The following ZIC4 variants were observed in gnomAD, a reference collection of about 807,000 sequenced individuals.
ZIC4 encodes the protein zinc finger protein ZIC 4.
Under a neutral mutation model 28.8 loss-of-function variants are expected in ZIC4, and 15 were observed. That is an observed-to-expected ratio of 0.52 (90% confidence interval 0.35 to 0.80). The LOEUF (loss-of-function observed/expected upper bound fraction) is 0.80. Among genes scored for constraint, ZIC4 ranks in the 30% least tolerant of loss-of-function variants. The probability of loss-of-function intolerance (pLI) is 0.01; values close to 1 mark genes in which losing one functional copy is unlikely to be tolerated. For missense variants in ZIC4, 512 were observed against 467.1 expected (o/e 1.10, Z -0.89); for synonymous variants, 220 against 198.1 (o/e 1.11, Z -0.93).
At chr3:147,403,734 G>T (rs539717495) in intron 1 of ZIC4, 2 of 417,582 alleles carry the variant, frequency 4.8e-6, no homozygotes, top group African/African-American at 2.0e-5. Context: ...CTCTGTCAAT[G>T]GGGATGTCTG....
chr3:147,401,213 T>C (rs2107981763), intron 2 of ZIC4, among the ~76,000 whole-genome samples: 1 of 152,308 alleles, frequency 6.6e-6, no homozygotes, highest in Admixed American at 6.5e-5. Context: ...CTAGTTCTTT[T>C]CTAGAAATAG....
rs1433230196 is a variant in ZIC4, at chr3:147,396,398, C to A, written c.142G>T (p.Glu48Ter). The A allele has an allele frequency of 6.6e-7, 1 of 1,526,418 alleles. No homozygotes were observed. Among genetic ancestry groups the A allele is most frequent in the African/African-American group, 1.4e-5 (1 of 71,822 alleles). The allele number at this position is 1,526,418 out of a possible 1,614,324, so 94.6% of individuals were successfully genotyped here. ...SSPSVFPGLH[E>*]EPPQASPSRP... ...CTGGGGGAGGCCTGGGGAGGCTCCT[C>A]GTGGAGGCCCGGGAACACCGAGGGG... Residue 48 changes from glutamate to a stop codon, truncating the protein, a stop_gained, in exon 3 of 5, where the codon GAG (glutamate) becomes TAG (stop). Coordinates refer to ENST00000383075, the MANE Select transcript of ZIC4 (RefSeq NM_032153.6). LOFTEE classifies it high-confidence loss of function. The surrounding 1 kb of genome is among the most constrained non-coding windows in gnomAD (Gnocchi z 4.2).
intron 3 of ZIC4, among the ~76,000 whole-genome samples, chr3:147,394,776 A>G (rs887309976): frequency 2.0e-5 from 3 of 152,220 alleles, no homozygotes; most frequent in Non-Finnish European, 4.4e-5. Flanking sequence ...TGTCCGGGCC[A>G]TGGACCTTCC....
At chr3:147,403,788 A>T (rs1315549088) in intron 1 of ZIC4, 1 of 640,408 alleles carries the variant, frequency 1.6e-6, no homozygotes, top group African/African-American at 1.8e-5. Flanking sequence ...CCACAGGCCA[A>T]ATCCAAGTGG....
At position 147,396,607 on chromosome 3, in the gene ZIC4, C is replaced by T. The variant is rs1157761368; in HGVS notation, c.71-138G>A. On this transcript the variant is annotated intron_variant, in intron 2 of 4. Transcript: ENST00000383075. This position sits in a 1 kb window ranked among gnomAD's most constrained non-coding sequence, Gnocchi z 4.2. ...CGTGGAACTCAGAGCCAGACAGCGC[C>T]AGCAGTGAACCCGGTGGACAGAGCA... 3.5e-6 allele frequency: 4 copies of T among 1,148,280 alleles called. No individual in the cohort carries two copies. The highest frequency in any genetic ancestry group is 3.0e-4 in the Middle Eastern group (1 of 3,346). The allele number at this position is 1,148,280 out of a possible 1,614,324, so 71.1% of individuals were successfully genotyped here. A position where few individuals can be genotyped will look rare whatever the true frequency, so the allele number is the denominator to read the frequency against.
intron 2 of ZIC4, among the ~76,000 whole-genome samples, chr3:147,397,838 C>T (rs1405667979): frequency 1.3e-5 from 2 of 152,102 alleles, no homozygotes; most frequent in Admixed American, 1.3e-4. Context: ...CTTTCTGGTC[C>T]TTTTCGTCTC....
At position 147,396,263 on chromosome 3, in the gene ZIC4, C is replaced by A. The variant is rs199650167; in HGVS notation, c.277G>T (p.Ala93Ser). 1.2e-4 allele frequency: 195 copies of A among 1,611,652 alleles called. No individual in the cohort carries two copies. The highest frequency in any genetic ancestry group is 1.5e-4 in the Non-Finnish European group (173 of 1,178,860). The change falls in exon 3 of 5, where the codon GCA (alanine) becomes TCA (serine). Residue 93 changes from alanine to serine, a missense_variant. Ala to Ser is a moderately conservative substitution (Grantham distance 99). Coordinates refer to ENST00000383075, the MANE Select transcript of ZIC4 (RefSeq NM_032153.6). This position sits in a 1 kb window ranked among gnomAD's most constrained non-coding sequence, Gnocchi z 4.2. Reference protein sequence around the residue: ...AARSDALAAAAALHGYGGMNL... With the variant: ...AARSDALAAASALHGYGGMNL... Reference sequence around the variant, plus strand: ...ATGCCCCCGTAGCCATGCAGGGCTGCGGCAGCTGCCAGGGCGTCGCTGCGG... The same window carrying A: ...ATGCCCCCGTAGCCATGCAGGGCTGAGGCAGCTGCCAGGGCGTCGCTGCGG...
Position 147,388,790 on chromosome 3 carries a change from T to A in ZIC4, c.*69A>T. ...TGCTTTGTGCGCGGGCCCTTTGATG[T>A]AGCAGGCGCGAGATGCGGGGCGCTC... On this transcript the variant is annotated 3_prime_UTR_variant, in exon 5 of 5. Coordinates refer to ENST00000383075, the MANE Select transcript of ZIC4 (RefSeq NM_032153.6). The A allele has an allele frequency of 1.3e-6, 1 of 765,808 alleles. No individual in the cohort carries two copies. Among genetic ancestry groups the A allele is most frequent in the African/African-American group, 1.7e-5 (1 of 58,292 alleles). The allele number at this position is 765,808 out of a possible 1,614,324, so 47.4% of individuals were successfully genotyped here.
chr3:147,388,841 C>G lies in ZIC4; in HGVS notation c.*18G>C. On this transcript the variant is annotated 3_prime_UTR_variant, in exon 5 of 5. Transcript: ENST00000383075. Reference sequence around the variant, plus strand: ...AGCTGCGCGGAGCGAGATTACCTTGCGAGCAACGCGGTGGACATCTGTAAC... The same window carrying G: ...AGCTGCGCGGAGCGAGATTACCTTGGGAGCAACGCGGTGGACATCTGTAAC... 1.3e-6 allele frequency: 1 copy of G among 779,778 alleles called. No individual in the cohort carries two copies. The highest frequency in any genetic ancestry group is 2.4e-6 in the Non-Finnish European group (1 of 417,814). 48.3% of individuals were successfully genotyped at this position (779,778 alleles called of 1,614,324 possible). A position where few individuals can be genotyped will look rare whatever the true frequency, so the allele number is the denominator to read the frequency against.
chr3:147,404,026 G>A (rs2087222617), intron 1 of ZIC4: 1 of 1,537,108 alleles, frequency 6.5e-7, no homozygotes, highest in African/African-American at 1.4e-5. Flanking sequence ...TTCCCCAAAG[G>A]TAATAAGCTC....
intron 1 of ZIC4, chr3:147,405,456 G>C (rs1287333905): frequency 2.0e-6 from 3 of 1,537,108 alleles, no homozygotes; most frequent in South Asian, 1.2e-5. Flanking sequence ...CTAAGACTTT[G>C]ACATGGGCCA....
intron 2 of ZIC4, among the ~76,000 whole-genome samples, chr3:147,400,854 T>G (rs2087151483): frequency 1.3e-5 from 2 of 149,756 alleles, no homozygotes; most frequent in Non-Finnish European, 3.0e-5. Context: ...TCCTCAGTGC[T>G]CTTCAGATTT....
intron 1 of ZIC4, chr3:147,404,230 T>G (rs1453571277): frequency 6.9e-7 from 1 of 1,452,410 alleles, no homozygotes; most frequent in Non-Finnish European, 9.0e-7. Flanking sequence ...TAGAGATCCC[T>G]GTCCACCCAT....
intron 3 of ZIC4, chr3:147,392,329 C>A: frequency 1.0e-6 from 1 of 985,656 alleles, no homozygotes; most frequent in Non-Finnish European, 1.2e-6. Flanking sequence ...GGGCTGGGAT[C>A]GGTGGCTGCG....
In ZIC4 at chr3:147,388,033, C is replaced by T. The variant is rs1453018171; in HGVS notation, c.*826G>A. 1 of 152,534 alleles carries T rather than the reference C, an allele frequency of 6.6e-6. No homozygotes were observed. The highest frequency in any genetic ancestry group is 1.5e-5 in the Non-Finnish European group (1 of 68,046). 9.4% of individuals were successfully genotyped at this position (152,534 alleles called of 1,614,324 possible). ...TCAAGATGCACAGAGTCCTTGTGCT[C>T]CTCCCTTTCCTGAAAGTGTCCCCTG... is the stretch of plus-strand genomic sequence containing the variant. On this transcript the variant is annotated 3_prime_UTR_variant, in exon 5 of 5. Transcript: ENST00000383075.
intron 4 of ZIC4, 180 bp from the exon 5 acceptor site, chr3:147,389,039 C>T: frequency 3.2e-6 from 2 of 618,982 alleles, no homozygotes; most frequent in South Asian, 4.0e-5. Flanking sequence ...GCAAGTTCCG[C>T]AAATGCCCTC....
intron 1 of ZIC4, chr3:147,403,844 C>G: frequency 3.9e-6 from 2 of 513,470 alleles, no homozygotes; most frequent in African/African-American, 2.0e-5. Flanking sequence ...GCACAAAGAT[C>G]TCTCTCTCTC....
At position 147,402,709 on chromosome 3, in the gene ZIC4, AAGG is replaced by A. The variant is rs767408775; in HGVS notation, c.70+16_70+18del. Reference sequence around the variant, plus strand: ...AAAGAAACCAGCAAACCAATATTCAAAGGAGGATTTTAACTTACTTGACTCTTT... The same window carrying A: ...AAAGAAACCAGCAAACCAATATTCAAAGGATTTTAACTTACTTGACTCTTT... On this transcript the variant is annotated intron_variant, in intron 2 of 4. Transcript: ENST00000383075. The A allele has an allele frequency of 4.4e-6, 7 of 1,590,220 alleles. No homozygotes were observed. Among genetic ancestry groups the A allele is most frequent in the Middle Eastern group, 1.7e-4 (1 of 5,970 alleles).
rs760151073 is a variant in ZIC4 at position 147,388,671 on chromosome 3, G to A, written c.*188C>T. On this transcript the variant is annotated 3_prime_UTR_variant, in exon 5 of 5. Coordinates refer to ENST00000383075, the MANE Select transcript of ZIC4 (RefSeq NM_032153.6). ...TGTCCTTAATGAAAAGCCTGGACGG[G>A]CTCCAGGCTTGGCCTTTCAGGATTT... 1.2e-4 allele frequency: 70 copies of A among 592,430 alleles called. No individual in the cohort carries two copies. The highest frequency in any genetic ancestry group is 1.3e-4 in the Non-Finnish European group (43 of 328,990). 36.7% of individuals were successfully genotyped at this position (592,430 alleles called of 1,614,324 possible).
Sources: gnomAD v4.1 joint callset for allele counts (sites outside exome capture counted in the v4.1 genomes callset) on GRCh38, gnomAD v4.1.1 for gene constraint, Gnocchi (gnomAD v3.1) non-coding constraint, MANE v1.5 for transcripts, NCBI Gene and HGNC (gene_info 2026-07-23, HGNC 2026-07-21) for gene names.